Variants in ADAMTSL1 observed in about 807,000 individuals in gnomAD.
ADAMTSL1 encodes the protein ADAMTS-like protein 1.
ADAMTSL1 carries 126 observed loss-of-function variants against 201.8 expected under a neutral mutation model. That is an observed-to-expected ratio of 0.62 (90% confidence interval 0.54 to 0.72). ADAMTSL1 has a LOEUF of 0.72. Among genes scored for constraint, ADAMTSL1 ranks in the 30% least tolerant of loss-of-function variants. The probability of loss-of-function intolerance (pLI) is 0.00; values close to 1 mark genes in which losing one functional copy is unlikely to be tolerated. For synonymous variants in ADAMTSL1, 1,121 were observed against 903.4 expected, an observed-to-expected ratio of 1.24 and a Z score of -4.32; for missense variants, 2,679 against 2,277.8, an observed-to-expected ratio of 1.18 and a Z score of -3.59.
At chr9:18,692,601 C>A (rs1339213093) in intron 13 of ADAMTSL1, among the ~76,000 whole-genome samples, 2 of 152,130 alleles carry the variant, frequency 1.3e-5, no homozygotes, top group Non-Finnish European at 1.5e-5. Context: ...ATGAACTGAA[C>A]TTTTCATTGG....
intron 1 of ADAMTSL1, among the ~76,000 whole-genome samples, chr9:18,068,852 T>C (rs1054978594): frequency 1.3e-5 from 2 of 152,232 alleles, no homozygotes; most frequent in African/African-American, 4.8e-5. Context: ...AAAGATCAAT[T>C]ACAGAGTGGT....
chr9:18,444,238 A>G (rs1820104761), intron 2 of ADAMTSL1, among the ~76,000 whole-genome samples: 1 of 152,186 alleles, frequency 6.6e-6, no homozygotes, highest in African/African-American at 2.4e-5. Flanking sequence ...TTGAGAAACT[A>G]CTAAGGGTGA....
chr9:18,115,591 C>T (rs1467879811), intron 1 of ADAMTSL1, among the ~76,000 whole-genome samples: 1 of 152,136 alleles, frequency 6.6e-6, no homozygotes, highest in Non-Finnish European at 1.5e-5. Context: ...AGAGGATTTA[C>T]TGTGTTCTGG....
chr9:18,731,222 A>G lies in ADAMTSL1; in HGVS notation c.2006+9557A>G, dbSNP rs1429647878. 5.3e-5 allele frequency among the ~76,000 whole-genome samples: 8 copies of G among 152,364 alleles called. No homozygotes were observed. The South Asian group carries it at 1.7e-3, about 32-fold the overall frequency. ...TACTGCCTGGAAAAAAAGAAATATC[A>G]TAGGGTTTTAAGATCAGACAGATGT... On this transcript the variant is annotated intron_variant, in intron 15 of 28. Transcript: ENST00000380548.
intron 1 of ADAMTSL1, among the ~76,000 whole-genome samples, chr9:18,156,105 T>C (rs1827139279): frequency 6.6e-6 from 1 of 152,020 alleles, no homozygotes; most frequent in African/African-American, 2.4e-5. Context: ...CTCAGAGAGC[T>C]CTGCCTTTCT....
intron 7 of ADAMTSL1, among the ~76,000 whole-genome samples, chr9:18,655,975 T>C (rs1828632497): frequency 6.6e-6 from 1 of 152,130 alleles, no homozygotes; most frequent in African/African-American, 2.4e-5. Flanking sequence ...TTGCTTCAGC[T>C]GTTTTTCTTT....
intron 2 of ADAMTSL1, among the ~76,000 whole-genome samples, chr9:18,447,650 C>G (rs183318732): frequency 1.3e-5 from 2 of 152,306 alleles, no homozygotes; most frequent in East Asian, 3.9e-4. Flanking sequence ...GGAGGCTTAG[C>G]AGGACATACA....
intron 1 of ADAMTSL1, among the ~76,000 whole-genome samples, chr9:18,020,656 A>C (rs1015885421): frequency 3.3e-5 from 5 of 152,066 alleles, no homozygotes; most frequent in African/African-American, 1.2e-4. Flanking sequence ...GTCTCTCCCT[A>C]AACGCCTGGG....
intron 1 of ADAMTSL1, among the ~76,000 whole-genome samples, chr9:18,078,330 G>A (rs1823323106): frequency 1.3e-5 from 2 of 152,092 alleles, no homozygotes; most frequent in South Asian, 2.1e-4. Context: ...GGAAATAGAG[G>A]TTCCTGAAGT....
At chr9:18,296,673 G>A (rs1001546993) in intron 2 of ADAMTSL1, among the ~76,000 whole-genome samples, 5 of 152,112 alleles carry the variant, frequency 3.3e-5, no homozygotes, top group Admixed American at 2.0e-4. Flanking sequence ...ATAGAACAAT[G>A]AGTTTAGTTC....
intron 2 of ADAMTSL1, among the ~76,000 whole-genome samples, chr9:18,289,121 G>T (rs886242794): frequency 7.7e-5 from 11 of 142,410 alleles, no homozygotes; most frequent in Admixed American, 7.2e-4. Context: ...TCTTATTGGT[G>T]TATATATATG....
chr9:18,043,809 G>A (rs903236521), intron 1 of ADAMTSL1, among the ~76,000 whole-genome samples: 2 of 151,892 alleles, frequency 1.3e-5, no homozygotes, highest in Non-Finnish European at 2.9e-5. Flanking sequence ...TGAATTATAC[G>A]TAGGTACAAT....
At chr9:17,918,356 A>G (rs1161929055) in intron 1 of ADAMTSL1, among the ~76,000 whole-genome samples, 1 of 150,594 alleles carries the variant, frequency 6.6e-6, no homozygotes, top group Non-Finnish European at 1.5e-5. Context: ...TTCAGTTCAT[A>G]GTACTTTCTT....
chr9:17,947,639 T>A (rs999390079), intron 1 of ADAMTSL1, among the ~76,000 whole-genome samples: 5 of 152,132 alleles, frequency 3.3e-5, no homozygotes, highest in Non-Finnish European at 1.5e-5. Context: ...TAGTCTAGTC[T>A]AGAGAGTGAA....
chr9:18,770,788 A>C lies in ADAMTSL1; in HGVS notation c.2397+7A>C. 6.2e-7 allele frequency: 1 copy of C among 1,612,946 alleles called. No homozygotes were observed. Among genetic ancestry groups the C allele is most frequent in the East Asian group, 2.2e-5 (1 of 44,864 alleles). On this transcript the variant is annotated splice_region_variant and intron_variant, in intron 17 of 28. Coordinates refer to ENST00000380548, the MANE Select transcript of ADAMTSL1 (RefSeq NM_001040272.6). ...TCTCTCAGACTGGACAGAGGTATGT[A>C]TGTTCCTCCGAAGAGAATGAAAGAG...
At chr9:18,378,254 C>T (rs537509659) in intron 2 of ADAMTSL1, among the ~76,000 whole-genome samples, 22 of 152,134 alleles carry the variant, frequency 1.4e-4, no homozygotes, top group Admixed American at 2.6e-4. Context: ...TGAGGACTAA[C>T]GGAAATAGTG....
chr9:18,415,062 T>A (rs769459401), intron 2 of ADAMTSL1, among the ~76,000 whole-genome samples: 11 of 152,234 alleles, frequency 7.2e-5, no homozygotes, highest in Non-Finnish European at 1.6e-4. Flanking sequence ...AGAATCAGAC[T>A]GATTCCAAGT....
At chr9:18,247,267 T>G (rs1478339226) in intron 2 of ADAMTSL1, among the ~76,000 whole-genome samples, 3 of 152,192 alleles carry the variant, frequency 2.0e-5, no homozygotes, top group African/African-American at 7.2e-5. Context: ...GTCATCCATT[T>G]ATGACACTAA....
chr9:18,843,997 G>A (rs4977262), intron 23 of ADAMTSL1, among the ~76,000 whole-genome samples: 83,243 of 151,986 alleles, frequency 0.55, 23,201 homozygotes, highest in African/African-American at 0.65. Context: ...CCTGTAGCTC[G>A]GAGTAGTTTG....
Sources: gnomAD v4.1 joint callset for allele counts (sites outside exome capture counted in the v4.1 genomes callset) on GRCh38, gnomAD v4.1.1 for gene constraint, MANE v1.5 for transcripts, NCBI Gene and HGNC (gene_info 2026-07-23, HGNC 2026-07-21) for gene names.